Variants in RASA3 observed in about 807,000 individuals in gnomAD.
The protein encoded by RASA3 is RAS p21 protein activator 3.
Under a neutral mutation model 110.0 loss-of-function variants are expected in RASA3, and 73 were observed. The observed-to-expected ratio is 0.66, with a 90% CI of 0.55 to 0.81. RASA3 has a LOEUF of 0.81. Ranked by LOEUF, RASA3 falls within the 30% of genes least tolerant of loss-of-function variation. RASA3 has a pLI of 0.00. For synonymous variants in RASA3, 500 were observed against 451.4 expected (o/e 1.11, Z -1.37); for missense variants, 976 against 1,113.2 (o/e 0.88, Z 1.75).
chr13:114,098,593 C>T (rs533562521), intron 1 of RASA3, among the ~76,000 whole-genome samples: 47 of 152,098 alleles, frequency 3.1e-4, no homozygotes, highest in African/African-American at 1.1e-3. Flanking sequence ...GCTGGCCGGC[C>T]CCCTCCCAAC....
chr13:114,017,576 G>A (rs944248766), intron 11 of RASA3, among the ~76,000 whole-genome samples: 5 of 152,354 alleles, frequency 3.3e-5, no homozygotes, highest in South Asian at 2.1e-4. Context: ...TCGGCTACCT[G>A]CGTGGCCACC....
At chr13:114,060,949 C>CCCCCCACAGCCGGCAGACGGAG (rs2079331555) in intron 2 of RASA3, among the ~76,000 whole-genome samples, 1 of 146,684 alleles carries the variant, frequency 6.8e-6, no homozygotes, top group Non-Finnish European at 1.5e-5. Context: ...GCAGACGGAG[C>CCCCCCACAGCCGGCAGACGGAG]CCCCCACAGC....
At chr13:114,018,347 T>C (rs1202843530) in intron 10 of RASA3, 95 bp from the exon 11 acceptor site, 14 of 1,388,068 alleles carry the variant, frequency 1.0e-5, no homozygotes, top group Non-Finnish European at 1.2e-5. Flanking sequence ...CCAGCCACAA[T>C]AGATACGGCT....
At chr13:114,125,318 G>A (rs1178313582) in intron 1 of RASA3, among the ~76,000 whole-genome samples, 3 of 152,158 alleles carry the variant, frequency 2.0e-5, no homozygotes, top group East Asian at 1.9e-4. Context: ...TATTGGTCAC[G>A]GTGCTGCAAG....
At chr13:113,990,625 C>T (rs1346647735) in intron 22 of RASA3, among the ~76,000 whole-genome samples, 2 of 152,246 alleles carry the variant, frequency 1.3e-5, no homozygotes, top group East Asian at 3.8e-4. Flanking sequence ...CCAGGGACCT[C>T]AGACCCAGGG....
In RASA3 at chr13:114,056,446, C is replaced by A. The variant is rs536817832; in HGVS notation, c.174-4291G>T. The A allele has an allele frequency of 4.1e-6, 4 of 985,282 alleles. No homozygotes were observed. The allele number at this position is 985,282 out of a possible 1,614,324, so 61.0% of individuals were successfully genotyped here. ...CGAGGCACTCCAACATCTGATGAAA[C>A]GAAACTAACCCCAGGGCTTGGGCAG... On this transcript the variant is annotated intron_variant, in intron 2 of 23. Transcript: ENST00000334062. This position sits in a 1 kb window ranked among gnomAD's most constrained non-coding sequence, Gnocchi z 5.7.
chr13:114,116,921 TGAGCACGTGTGTGAGGGGA>T, intron 1 of RASA3, among the ~76,000 whole-genome samples: 1 of 52,352 alleles, frequency 1.9e-5, no homozygotes, highest in Non-Finnish European at 4.0e-5. Flanking sequence ...GTGTGAGGGG[TGAGCACGTGTGTGAGGGGA>T]GCACGTGTGT....
chr13:114,028,155 C>T (rs1411460182), intron 5 of RASA3, among the ~76,000 whole-genome samples: 10 of 143,362 alleles, frequency 7.0e-5, no homozygotes, highest in South Asian at 2.2e-4. Flanking sequence ...TGTGCTTTAG[C>T]GTGGACGCCA....
intron 1 of RASA3, among the ~76,000 whole-genome samples, chr13:114,083,137 G>A (rs551239271): frequency 4.5e-4 from 69 of 152,336 alleles, no homozygotes; most frequent in African/African-American, 1.5e-3. Context: ...GAATGCTGGC[G>A]CTTCACTCAT....
chr13:114,128,600 T>C (rs1594487456), intron 1 of RASA3, among the ~76,000 whole-genome samples: 2 of 152,256 alleles, frequency 1.3e-5, no homozygotes, highest in Admixed American at 6.5e-5. Flanking sequence ...GAGGGATAGC[T>C]GGGGCTGGAG....
chr13:114,077,707 G>A (rs2079713616), intron 1 of RASA3: 1 of 682,768 alleles, frequency 1.5e-6, no homozygotes, highest in Admixed American at 6.9e-5. Flanking sequence ...TGGCACCAAG[G>A]CACCGGGTTC....
chr13:114,082,565 CT>C (rs1033526333), intron 1 of RASA3, among the ~76,000 whole-genome samples: 1 of 152,208 alleles, frequency 6.6e-6, no homozygotes, highest in African/African-American at 2.4e-5. Context: ...GGAACTGGGT[CT>C]TTCTCCCTTG....
intron 19 of RASA3, 127 bp from the exon 20 acceptor site, chr13:113,999,794 TCTCTACC>T: frequency 3.3e-5 from 2 of 61,372 alleles, no homozygotes; most frequent in Non-Finnish European, 3.3e-5. Context: ...TGCCAGGGGG[TCTCTACC>T]GGGGGGTCTC....
At position 113,977,799 on chromosome 13, in the gene RASA3, A is replaced by T. The variant is rs1316303840; in HGVS notation, c.*1548T>A. ...AGGCAGTCCTCAGAAAGAATAAAAC[A>T]TCTGTTTTAATTGGCCAGTAAAATA... is the stretch of plus-strand genomic sequence containing the variant. On this transcript the variant is annotated 3_prime_UTR_variant, in exon 24 of 24. Transcript: ENST00000334062. The T allele has an allele frequency of 2.0e-5, 3 of 152,518 alleles. No homozygotes were observed. The highest frequency in any genetic ancestry group is 4.4e-5 in the Non-Finnish European group (3 of 68,050). 9.4% of individuals were successfully genotyped at this position (152,518 alleles called of 1,614,324 possible).
At chr13:114,071,966 T>C (rs183669550) in intron 2 of RASA3, among the ~76,000 whole-genome samples, 1 of 152,340 alleles carries the variant, frequency 6.6e-6, no homozygotes, top group African/African-American at 2.4e-5. Flanking sequence ...ACACGACCCA[T>C]GCTTCTGAAC....
chr13:113,980,875 G>A (rs532847192), intron 23 of RASA3, among the ~76,000 whole-genome samples: 1 of 152,318 alleles, frequency 6.6e-6, no homozygotes, highest in East Asian at 1.9e-4. Context: ...GAAGAAGGGT[G>A]GAGGAGGAGA....
chr13:114,020,969 G>A (rs1329984319), intron 9 of RASA3, among the ~76,000 whole-genome samples: 1 of 152,140 alleles, frequency 6.6e-6, no homozygotes, highest in African/African-American at 2.4e-5. Flanking sequence ...TCGCGGCTCA[G>A]GGCCCCGCTT....
intron 1 of RASA3, among the ~76,000 whole-genome samples, chr13:114,132,208 A>G (rs1465869084): frequency 1.3e-5 from 2 of 152,248 alleles, no homozygotes; most frequent in East Asian, 1.9e-4. Flanking sequence ...GAGGAGGCGC[A>G]GGGAGCCGCG....
chr13:114,070,988 CGCT>C, intron 2 of RASA3, among the ~76,000 whole-genome samples: 2 of 145,406 alleles, frequency 1.4e-5, no homozygotes, highest in African/African-American at 2.6e-5. Flanking sequence ...CCGGCGTCCA[CGCT>C]AAACGGCGCC....
Sources: allele counts gnomAD v4.1 joint callset (sites outside exome capture counted in the v4.1 genomes callset), GRCh38; gene constraint gnomAD v4.1.1; non-coding constraint Gnocchi (gnomAD v3.1); transcripts MANE v1.5; gene names NCBI Gene and HGNC (gene_info 2026-07-23, HGNC 2026-07-21).